TENM4: variants seen among roughly 807,000 people sequenced by gnomAD.
TENM4 encodes teneurin transmembrane protein 4, also known as teneurin-4.
TENM4 carries 82 observed loss-of-function variants against 243.3 expected under a neutral mutation model. The observed-to-expected ratio is 0.34, with a 90% CI of 0.28 to 0.40. The LOEUF (loss-of-function observed/expected upper bound fraction) is 0.40. TENM4 is among the 10% of genes least tolerant of loss of function. TENM4 has a pLI of 1.00. For synonymous variants in TENM4, 1,412 were observed against 1,456.3 expected, an observed-to-expected ratio of 0.97 and a Z score of 0.69; for missense variants, 3,138 against 3,673.3, an observed-to-expected ratio of 0.85 and a Z score of 3.77.
At chr11:78,764,421 T>G (rs1444220811) in intron 18 of TENM4, among the ~76,000 whole-genome samples, 2 of 152,256 alleles carry the variant, frequency 1.3e-5, no homozygotes, top group African/African-American at 4.8e-5. Flanking sequence ...CTGTCGCCTC[T>G]CCACGTGGGG....
chr11:78,944,322 C>T (rs752153048), intron 6 of TENM4, among the ~76,000 whole-genome samples: 3 of 152,190 alleles, frequency 2.0e-5, no homozygotes, highest in South Asian at 2.1e-4. Flanking sequence ...ATCCCTAGTA[C>T]GTTTGCCAAA....
intron 9 of TENM4, among the ~76,000 whole-genome samples, chr11:78,867,371 C>A (rs1225365020): frequency 6.6e-6 from 1 of 152,068 alleles, no homozygotes; most frequent in African/African-American, 2.4e-5. Flanking sequence ...ATCTTAAAGC[C>A]AAAATAAAGG....
chr11:78,675,270 C>A (rs1858439097), intron 30 of TENM4, among the ~76,000 whole-genome samples: 1 of 148,488 alleles, frequency 6.7e-6, no homozygotes, highest in African/African-American at 2.4e-5. Flanking sequence ...CTTCAGTGAA[C>A]TTTCTTTGCT....
chr11:78,890,063 A>C, intron 8 of TENM4, 43 bp from the exon 9 acceptor site: 1 of 1,475,916 alleles, frequency 6.8e-7, no homozygotes, highest in Non-Finnish European at 9.1e-7. Context: ...GGCTGCCCAC[A>C]GACCAGGCAC....
intron 1 of TENM4, among the ~76,000 whole-genome samples, chr11:79,424,279 C>G (rs1328633578): frequency 3.9e-5 from 6 of 152,068 alleles, no homozygotes; most frequent in African/African-American, 1.2e-4. Context: ...ACAGAACACC[C>G]CCTACAACAA....
chr11:79,232,461 G>A (rs1472919914), intron 2 of TENM4, among the ~76,000 whole-genome samples: 3 of 152,188 alleles, frequency 2.0e-5, no homozygotes, highest in South Asian at 2.1e-4. Context: ...CAGTGACTGC[G>A]AGTGAGTTTT....
chr11:79,176,378 G>A (rs1339671164), intron 3 of TENM4, among the ~76,000 whole-genome samples: 14 of 152,136 alleles, frequency 9.2e-5, no homozygotes, highest in Admixed American at 9.2e-4. Context: ...ATTCCACACT[G>A]AATCTGTTGC....
intron 18 of TENM4, among the ~76,000 whole-genome samples, chr11:78,764,637 C>T (rs551309004): frequency 3.3e-5 from 5 of 152,224 alleles, no homozygotes; most frequent in African/African-American, 1.2e-4. Context: ...GAGCTCATCC[C>T]TCTCCTTAGA....
chr11:79,213,325 G>A (rs1863987531), intron 3 of TENM4, among the ~76,000 whole-genome samples: 1 of 152,164 alleles, frequency 6.6e-6, no homozygotes, highest in African/African-American at 2.4e-5. Context: ...ATCTTTCCTG[G>A]CAGAAGAACA....
rs116312671 is a variant in TENM4 at position 79,360,971 on chromosome 11, T to C, written c.-320-63428A>G. On this transcript the variant is annotated intron_variant, in intron 1 of 33. Coordinates refer to ENST00000278550, the MANE Select transcript of TENM4 (RefSeq NM_001098816.3). ...TGTGCATTATTACAGACTGGTCATATTACAGAGCTCCATGTGACTGTCCAT... is the reference window on the plus strand; with the variant it reads ...TGTGCATTATTACAGACTGGTCATACTACAGAGCTCCATGTGACTGTCCAT... 4.5e-3 allele frequency among the ~76,000 whole-genome samples: 680 copies of C among 152,336 alleles called. 5 individuals carry two copies. The highest frequency in any genetic ancestry group is 0.015 in the African/African-American group (640 of 41,582).
chr11:78,988,223 T>C (rs635151), intron 6 of TENM4, among the ~76,000 whole-genome samples: 55,828 of 151,954 alleles, frequency 0.37, 12,060 homozygotes, highest in Middle Eastern at 0.5. Context: ...GAGGGGTCCA[T>C]GTGTAAGAAA....
At chr11:78,910,729 C>T (rs192624200) in intron 6 of TENM4, among the ~76,000 whole-genome samples, 29 of 152,332 alleles carry the variant, frequency 1.9e-4, no homozygotes, top group African/African-American at 6.5e-4. Context: ...AATGTAACCA[C>T]CAGTCTGAAC....
In TENM4 at chr11:78,669,840, G is replaced by A; in HGVS notation, c.6505C>T (p.Gln2169Ter). The A allele has an allele frequency of 6.2e-7, 1 of 1,613,838 alleles. No homozygotes were observed. Among genetic ancestry groups the A allele is most frequent in the African/African-American group, 1.3e-5 (1 of 75,016 alleles). ...ACTACTCGCCCCATGTTATCATACTGGACGGTCATCCAGTACATGAGCGAG... is the reference window on the plus strand; with the variant it reads ...ACTACTCGCCCCATGTTATCATACTAGACGGTCATCCAGTACATGAGCGAG... ...FRSLMYWMTV[Q>*]YDNMGRVVKK... The change falls in exon 32 of 34, where the codon CAG (glutamine) becomes TAG (stop). Residue 2169 changes from glutamine to a stop codon, truncating the protein, a stop_gained. Transcript: ENST00000278550. LOFTEE classifies it high-confidence loss of function. The surrounding 1 kb of genome is among the most constrained non-coding windows in gnomAD (Gnocchi z 6.4).
chr11:78,810,096 T>A (rs1219034783), intron 14 of TENM4, among the ~76,000 whole-genome samples: 1 of 152,132 alleles, frequency 6.6e-6, no homozygotes, highest in Non-Finnish European at 1.5e-5. Flanking sequence ...TGATGTTTTA[T>A]AAACACAGTG....
chr11:79,317,553 T>C (rs1856823159), intron 1 of TENM4, among the ~76,000 whole-genome samples: 2 of 152,162 alleles, frequency 1.3e-5, no homozygotes, highest in African/African-American at 4.8e-5. Context: ...TTAAATTCAT[T>C]TGACAAACAA....
intron 9 of TENM4, among the ~76,000 whole-genome samples, chr11:78,887,912 T>C (rs931773054): frequency 6.6e-6 from 1 of 152,326 alleles, no homozygotes; most frequent in East Asian, 1.9e-4. Context: ...ACTACTCAAA[T>C]TATGACTTAT....
At chr11:79,379,459 C>T (rs375325665) in intron 1 of TENM4, among the ~76,000 whole-genome samples, 2 of 152,116 alleles carry the variant, frequency 1.3e-5, no homozygotes, top group Non-Finnish European at 2.9e-5. Flanking sequence ...ATACGATTGA[C>T]GTGGTTCAGG....
intron 6 of TENM4, among the ~76,000 whole-genome samples, chr11:78,961,233 T>G (rs1857313526): frequency 6.6e-6 from 1 of 152,364 alleles, no homozygotes. Context: ...AACAGTTTCA[T>G]TTCCTCTCTT....
At chr11:79,202,507 T>C (rs1297683884) in intron 3 of TENM4, among the ~76,000 whole-genome samples, 2 of 152,226 alleles carry the variant, frequency 1.3e-5, no homozygotes, top group African/African-American at 4.8e-5. Context: ...TAAACTCACA[T>C]AGTTCAGACC....
Sources: allele counts gnomAD v4.1 joint callset (sites outside exome capture counted in the v4.1 genomes callset), GRCh38; gene constraint gnomAD v4.1.1; non-coding constraint Gnocchi (gnomAD v3.1); transcripts MANE v1.5; gene names NCBI Gene and HGNC (gene_info 2026-07-23, HGNC 2026-07-21).